The following DENND5A variants were observed in gnomAD, a reference collection of about 807,000 sequenced individuals.
The protein encoded by DENND5A is DENN domain-containing protein 5A.
A neutral mutation model predicts 140.3 loss-of-function variants in DENND5A; 64 were observed. The observed-to-expected ratio is 0.46, with a 90% confidence interval of 0.37 to 0.56. DENND5A has a LOEUF of 0.56. Ranked by LOEUF, DENND5A falls within the 20% of genes least tolerant of loss-of-function variation. DENND5A has a pLI of 0.00. For missense variants in DENND5A, 1,292 were observed against 1,593.8 expected (o/e 0.81, Z 3.22); for synonymous variants, 605 against 607.7 (o/e 1.00, Z 0.07).
At chr11:9,238,049 T>C (rs1047891499) in intron 1 of DENND5A, among the ~76,000 whole-genome samples, 3 of 152,224 alleles carry the variant, frequency 2.0e-5, no homozygotes, top group Non-Finnish European at 4.4e-5. Flanking sequence ...TGATGTGGGA[T>C]CATCTTTTAA....
chr11:9,254,442 T>C (rs1590343814), intron 1 of DENND5A, among the ~76,000 whole-genome samples: 1 of 152,264 alleles, frequency 6.6e-6, no homozygotes, highest in South Asian at 2.1e-4. Context: ...TCCTGACTTC[T>C]TACTTGTTCT....
At chr11:9,246,960 G>A (rs1851500000) in intron 1 of DENND5A, among the ~76,000 whole-genome samples, 1 of 152,166 alleles carries the variant, frequency 6.6e-6, no homozygotes, top group Admixed American at 6.5e-5. Context: ...GCCGGGCGCG[G>A]TGGCTCACGC....
chr11:9,259,365 T>A (rs920943732), intron 1 of DENND5A, among the ~76,000 whole-genome samples: 2 of 150,408 alleles, frequency 1.3e-5, no homozygotes, highest in Non-Finnish European at 2.9e-5. Context: ...AAGACCATCC[T>A]GGCTAACACG....
chr11:9,165,041 C>T (rs1211016506), intron 11 of DENND5A, among the ~76,000 whole-genome samples: 1 of 152,150 alleles, frequency 6.6e-6, no homozygotes, highest in Non-Finnish European at 1.5e-5. Context: ...GCCCTGTCGC[C>T]CAGGCTGGAG....
At chr11:9,249,477 C>T (rs1462573452) in intron 1 of DENND5A, among the ~76,000 whole-genome samples, 1 of 152,100 alleles carries the variant, frequency 6.6e-6, no homozygotes, top group African/African-American at 2.4e-5. Context: ...ACGATCCTCC[C>T]AGCTCGTCCT....
intron 8 of DENND5A, chr11:9,177,847 C>A: frequency 3.5e-6 from 1 of 282,820 alleles, no homozygotes; most frequent in Non-Finnish European, 6.6e-6. Context: ...CAGCAACCAC[C>A]AATTGTGTAC....
chr11:9,142,973 C>T (rs1847297741), intron 20 of DENND5A, 128 bp from the exon 21 acceptor site: 3 of 1,233,634 alleles, frequency 2.4e-6, no homozygotes, highest in African/African-American at 3.0e-5. Flanking sequence ...TTGTCTGTTT[C>T]CCTAACACCT....
rs1207320452 is a variant in DENND5A at position 9,147,020 on chromosome 11, G to A, written c.2857+10C>T. 6.2e-7 allele frequency: 1 copy of A among 1,614,130 alleles called. No homozygotes were observed. Among genetic ancestry groups the A allele is most frequent in the Non-Finnish European group, 8.5e-7 (1 of 1,179,982 alleles). Reference sequence around the variant, plus strand: ...TTGAGAAGGCCAGCTGGGAGCACAGGGCTACTCACGGATAGTTGTGAAGAC... The same window carrying A: ...TTGAGAAGGCCAGCTGGGAGCACAGAGCTACTCACGGATAGTTGTGAAGAC... On this transcript the variant is annotated intron_variant, in intron 16 of 22. Coordinates refer to ENST00000328194, the MANE Select transcript of DENND5A (RefSeq NM_015213.4).
chr11:9,195,458 T>C (rs61877794), intron 4 of DENND5A, among the ~76,000 whole-genome samples: 10,773 of 152,260 alleles, frequency 0.071, 553 homozygotes, highest in Admixed American at 0.098. Context: ...AGCAGAAATA[T>C]GCATTTTTAA....
chr11:9,158,647 TAA>T (rs1191343261), intron 12 of DENND5A, among the ~76,000 whole-genome samples: 1 of 152,190 alleles, frequency 6.6e-6, no homozygotes, highest in Non-Finnish European at 1.5e-5. Flanking sequence ...CTTAGTTTCA[TAA>T]AGTTATTAAG....
chr11:9,240,812 T>A (rs139478555), intron 1 of DENND5A, among the ~76,000 whole-genome samples: 1 of 152,138 alleles, frequency 6.6e-6, no homozygotes, highest in Non-Finnish European at 1.5e-5. Flanking sequence ...ATAGGGGTTA[T>A]AGGTGTTGAT....
intron 4 of DENND5A, among the ~76,000 whole-genome samples, chr11:9,201,265 C>T (rs1849512700): frequency 6.6e-6 from 1 of 151,290 alleles, no homozygotes; most frequent in Non-Finnish European, 1.5e-5. Flanking sequence ...GTCCCAGCTA[C>T]TCAGGCGGCT....
At chr11:9,229,479 C>T (rs1286944853) in intron 1 of DENND5A, among the ~76,000 whole-genome samples, 2 of 152,064 alleles carry the variant, frequency 1.3e-5, no homozygotes, top group Non-Finnish European at 2.9e-5. Flanking sequence ...TCCTCTTACT[C>T]CCCCAAAGCA....
intron 1 of DENND5A, among the ~76,000 whole-genome samples, chr11:9,221,576 G>A (rs1850313367): frequency 6.6e-6 from 1 of 152,030 alleles, no homozygotes; most frequent in Non-Finnish European, 1.5e-5. Context: ...ATGTTAGCCA[G>A]GCTGGTCTTG....
At chr11:9,159,717 T>C (rs1313638292) in intron 12 of DENND5A, among the ~76,000 whole-genome samples, 3 of 152,230 alleles carry the variant, frequency 2.0e-5, no homozygotes, top group Non-Finnish European at 2.9e-5. Context: ...ATAAGAACTG[T>C]TTAACATTTT....
intron 15 of DENND5A, among the ~76,000 whole-genome samples, chr11:9,149,768 C>T (rs1041595043): frequency 3.9e-5 from 6 of 152,168 alleles, no homozygotes; most frequent in Non-Finnish European, 5.9e-5. Flanking sequence ...ACAAAGGAAA[C>T]GCCTTATGTC....
intron 1 of DENND5A, among the ~76,000 whole-genome samples, chr11:9,231,866 A>T (rs1850788448): frequency 1.3e-5 from 2 of 151,952 alleles, no homozygotes. Flanking sequence ...AATTTTACCA[A>T]CTGGTACTAT....
At chr11:9,165,221 T>G (rs1848147616) in intron 11 of DENND5A, among the ~76,000 whole-genome samples, 1 of 152,042 alleles carries the variant, frequency 6.6e-6, no homozygotes, top group Non-Finnish European at 1.5e-5. Context: ...AGGCTGGTCT[T>G]GAACTCCTGA....
intron 1 of DENND5A, among the ~76,000 whole-genome samples, chr11:9,210,132 G>C (rs1023445867): frequency 1.3e-5 from 2 of 151,944 alleles, no homozygotes; most frequent in African/African-American, 4.8e-5. Flanking sequence ...GAAACAGTAG[G>C]AAAACTTAAT....
Sources: allele counts gnomAD v4.1 joint callset (sites outside exome capture counted in the v4.1 genomes callset), GRCh38; gene constraint gnomAD v4.1.1; transcripts MANE v1.5; gene names NCBI Gene and HGNC (gene_info 2026-07-23, HGNC 2026-07-21).